Variants in CRAMP1 observed in about 807,000 individuals in gnomAD.
The protein encoded by CRAMP1 is protein cramped-like.
In CRAMP1, 50 loss-of-function variants were observed where a neutral mutation model predicts 115.4. The ratio of observed to expected loss-of-function variants is 0.43; its 90% CI spans 0.35 to 0.55. CRAMP1 has a LOEUF of 0.55. Ranked by LOEUF, CRAMP1 falls within the 20% of genes least tolerant of loss-of-function variation. The probability of loss-of-function intolerance (pLI) is 0.01; values close to 1 mark genes in which losing one functional copy is unlikely to be tolerated. For synonymous variants in CRAMP1, 866 were observed against 745.4 expected (o/e 1.16, Z -2.64); for missense variants, 1,679 against 1,721.7 (o/e 0.98, Z 0.44).
intron 4 of CRAMP1, among the ~76,000 whole-genome samples, chr16:1,636,860 TGAG>T (rs2036591987): frequency 6.6e-6 from 1 of 152,144 alleles, no homozygotes; most frequent in African/African-American, 2.4e-5. Flanking sequence ...CAGTGGCTCT[TGAG>T]GAAAGAGGGG....
Position 1,614,594 on chromosome 16 carries a change from G to A in CRAMP1, c.-1-45G>A, listed in dbSNP as rs1363809199. The A allele has an allele frequency of 1.7e-6, 2 of 1,174,216 alleles. No homozygotes were observed. The highest frequency in any genetic ancestry group is 3.3e-5 in the East Asian group (1 of 30,164). The allele number at this position is 1,174,216 out of a possible 1,614,324, so 72.7% of individuals were successfully genotyped here. A position where few individuals can be genotyped will look rare whatever the true frequency, so the allele number is the denominator to read the frequency against. ...GCGCGTCGGGGCCGCTAAACTTCCC[G>A]GCCTGCGCCCGCCTCACCGGCCGCC... On this transcript the variant is annotated intron_variant, in intron 1 of 20. Coordinates refer to ENST00000397412, the MANE Select transcript of CRAMP1 (RefSeq NM_020825.4). This position sits in a 1 kb window ranked among gnomAD's most constrained non-coding sequence, Gnocchi z 4.4.
At chr16:1,667,295 G>T (rs2036883975) in intron 16 of CRAMP1, 40 bp from the exon 17 acceptor site, 1 of 1,578,336 alleles carries the variant, frequency 6.3e-7, no homozygotes, top group Middle Eastern at 1.7e-4. Context: ...GTGGCATCTG[G>T]TGCACCCTGC....
At chr16:1,652,973 C>T (rs2036737565) in intron 7 of CRAMP1, 60 bp from the exon 8 acceptor site, 34 of 1,601,920 alleles carry the variant, frequency 2.1e-5, no homozygotes, top group Non-Finnish European at 2.9e-5. Flanking sequence ...TGGCCCAGCC[C>T]TTGGTTTTCT....
At chr16:1,615,935 A>C (rs1483882430) in intron 2 of CRAMP1, among the ~76,000 whole-genome samples, 1 of 152,206 alleles carries the variant, frequency 6.6e-6, no homozygotes, top group African/African-American at 2.4e-5. Flanking sequence ...TAGTTTTGAC[A>C]AGGAAATATA....
chr16:1,619,108 A>G (rs2036444869), intron 2 of CRAMP1, among the ~76,000 whole-genome samples: 1 of 152,244 alleles, frequency 6.6e-6, no homozygotes, highest in African/African-American at 2.4e-5. Context: ...AAATGTGAAA[A>G]TTAACATCGT....
At chr16:1,643,103 A>G (rs1005315581) in intron 6 of CRAMP1, among the ~76,000 whole-genome samples, 1 of 152,208 alleles carries the variant, frequency 6.6e-6, no homozygotes, top group Non-Finnish European at 1.5e-5. Flanking sequence ...AAATGGTTAC[A>G]AAGAGTATTC....
At chr16:1,628,194 C>T (rs965274785) in intron 3 of CRAMP1, among the ~76,000 whole-genome samples, 5 of 152,172 alleles carry the variant, frequency 3.3e-5, no homozygotes, top group Admixed American at 3.3e-4. Flanking sequence ...ATGCTTTCTG[C>T]TGTGGGTTCT....
rs552492029 is a variant in CRAMP1, at chr16:1,654,464, G to A, written c.1038-755G>A. Among the ~76,000 whole-genome samples, 200 of 152,222 alleles carry A rather than the reference G, an allele frequency of 1.3e-3. 1 individual carries two copies. Among genetic ancestry groups the A allele is most frequent in the Admixed American group, 2.5e-3 (38 of 15,298 alleles). On this transcript the variant is annotated intron_variant, in intron 8 of 20. Transcript: ENST00000397412. ...TGATCTCAGGTGATCTGCCTGCTTC[G>A]GCCTCCCAAAGTGTTGGGATTCCAG... is the stretch of plus-strand genomic sequence containing the variant.
Position 1,656,970 on chromosome 16 carries a change from C to A in CRAMP1, c.2213C>A (p.Ser738Tyr). The change falls in exon 10 of 21, where the codon TCC becomes TAC. Residue 738 changes from serine to tyrosine, a missense_variant. Physicochemically the swap from Ser to Tyr is moderately radical, Grantham distance 144 (BLOSUM62 -2). This residue lies in a region of CRAMP1 where 709 missense variants were observed against 741.9 expected (regional missense o/e 0.96). Transcript: ENST00000397412. This position sits in a 1 kb window ranked among gnomAD's most constrained non-coding sequence, Gnocchi z 5.6. ...CTCAGCTGCCTCCTGAAGCTCATTT[C>A]CACCGAGGTCAACCCCAAGCTGGTG... Reference protein sequence around the residue: ...RLLSCLLKLISTEVNPKLALE... With the variant: ...RLLSCLLKLIYTEVNPKLALE... 6.5e-7 allele frequency: 1 copy of A among 1,544,820 alleles called. No individual in the cohort carries two copies. The highest frequency in any genetic ancestry group is 8.7e-7 in the Non-Finnish European group (1 of 1,143,942).
rs369228157 is a variant in CRAMP1, at chr16:1,668,712, C to T, written c.3335-289C>T. ...CCTTGCTGAGCCTCCCTTTCCTAAG[C>T]GGTAAATTGAGAATAAGGTACAGCT... is the stretch of plus-strand genomic sequence containing the variant. On this transcript the variant is annotated intron_variant, in intron 18 of 20. Coordinates refer to ENST00000397412, the MANE Select transcript of CRAMP1 (RefSeq NM_020825.4). 1.5e-3 allele frequency among the ~76,000 whole-genome samples: 236 copies of T among 152,298 alleles called. 1 individual carries two copies. The highest frequency in any genetic ancestry group is 2.9e-3 in the African/African-American group (122 of 41,562).
intron 1 of CRAMP1, among the ~76,000 whole-genome samples, 35 bp downstream of exon 1, chr16:1,612,692 A>G (rs1262646099): frequency 6.6e-6 from 1 of 151,906 alleles, no homozygotes; most frequent in Non-Finnish European, 1.5e-5. Flanking sequence ...TGTCATGGCG[A>G]GGCCCGGCCG....
At chr16:1,621,590 C>T (rs925155953) in intron 2 of CRAMP1, among the ~76,000 whole-genome samples, 2 of 152,126 alleles carry the variant, frequency 1.3e-5, no homozygotes, top group African/African-American at 2.4e-5. Flanking sequence ...CTGGGGCTGC[C>T]GAGGGGCAGA....
chr16:1,622,973 C>T (rs2036478292), intron 2 of CRAMP1, among the ~76,000 whole-genome samples: 1 of 152,058 alleles, frequency 6.6e-6, no homozygotes, highest in Non-Finnish European at 1.5e-5. Context: ...ATTGGCCAGA[C>T]TGATCTCGAA....
Position 1,614,807 on chromosome 16 carries a change from C to G in CRAMP1, c.168C>G (p.Ala56=), listed in dbSNP as rs1385544991. Reference sequence around the variant, plus strand: ...ACGAGAAGACCCCCCGGGCCGGCGCCGACGGCCCCCCCGCGCCCCCCGGCG... The same window carrying G: ...ACGAGAAGACCCCCCGGGCCGGCGCGGACGGCCCCCCCGCGCCCCCCGGCG... ...KRDEKTPRAG[A]DGPPAPPGAP... Residue 56 remains alanine, a synonymous_variant, in exon 2 of 21, where the codon GCC becomes GCG. Transcript: ENST00000397412. This position sits in a 1 kb window ranked among gnomAD's most constrained non-coding sequence, Gnocchi z 4.4. The G allele has an allele frequency of 2.3e-6, 3 of 1,282,064 alleles. No homozygotes were observed. Among genetic ancestry groups the G allele is most frequent in the Non-Finnish European group, 2.9e-6 (3 of 1,017,198 alleles). 79.4% of individuals were successfully genotyped at this position (1,282,064 alleles called of 1,614,324 possible). A position where few individuals can be genotyped will look rare whatever the true frequency, so the allele number is the denominator to read the frequency against.
intron 8 of CRAMP1, among the ~76,000 whole-genome samples, chr16:1,654,821 A>G (rs2036755700): frequency 6.6e-6 from 1 of 152,236 alleles, no homozygotes; most frequent in Non-Finnish European, 1.5e-5. Context: ...ATAGCGCATC[A>G]GTACTTCATT....
At chr16:1,613,746 C>T (rs2036386710) in intron 1 of CRAMP1, among the ~76,000 whole-genome samples, 1 of 152,188 alleles carries the variant, frequency 6.6e-6, no homozygotes, top group African/African-American at 2.4e-5. Flanking sequence ...TTGTCTTCTA[C>T]CGCTTCTTGC....
rs988125356 is a variant in CRAMP1, at chr16:1,624,901, A to G, written c.347-1072A>G. The stretch of plus-strand genomic sequence containing the variant: ...CTGGCCACGCCTGGCTAATTTTTAT[A>G]TTTTTAGTGGAGATGGGATTTCATC... On this transcript the variant is annotated intron_variant, in intron 2 of 20. Coordinates refer to ENST00000397412, the MANE Select transcript of CRAMP1 (RefSeq NM_020825.4). 2.0e-5 allele frequency among the ~76,000 whole-genome samples: 3 copies of G among 151,740 alleles called. No individual in the cohort carries two copies. The East Asian group carries it at 5.8e-4, about 29-fold the overall frequency.
At chr16:1,616,696 A>T (rs1201220218) in intron 2 of CRAMP1, among the ~76,000 whole-genome samples, 1 of 152,146 alleles carries the variant, frequency 6.6e-6, no homozygotes, top group African/African-American at 2.4e-5. Context: ...TTCTTGTCCC[A>T]TTGTGTGGCT....
At chr16:1,625,019 G>A (rs189071768) in intron 2 of CRAMP1, among the ~76,000 whole-genome samples, 3 of 152,252 alleles carry the variant, frequency 2.0e-5, no homozygotes, top group Admixed American at 6.5e-5. Flanking sequence ...GAGCCACCAC[G>A]CCTAGCCAGT....
Sources: gnomAD v4.1 joint callset for allele counts (sites outside exome capture counted in the v4.1 genomes callset) on GRCh38, gnomAD v4.1.1 for gene constraint, gnomAD v4.1.1 regional missense constraint, Gnocchi (gnomAD v3.1) non-coding constraint, MANE v1.5 for transcripts, NCBI Gene and HGNC (gene_info 2026-07-23, HGNC 2026-07-21) for gene names.